The following CSNK2A2IP variants were observed in gnomAD, a reference collection of about 807,000 sequenced individuals.
CSNK2A2IP encodes casein kinase 2 subunit alpha' interacting protein.
At chr3:88,407,599 TGAG>T in the CSNK2A2IP span, among the ~76,000 whole-genome samples, 3 of 152,334 alleles carry the variant, frequency 2.0e-5, no homozygotes, top group East Asian at 5.8e-4. Context: ...CCATATAGGC[TGAG>T]AACACACATT....
chr3:88,451,929 A>C, the CSNK2A2IP span, among the ~76,000 whole-genome samples: 1 of 152,070 alleles, frequency 6.6e-6, no homozygotes, highest in East Asian at 1.9e-4. Flanking sequence ...CTTTACAATA[A>C]TTTTTTGAAT....
At chr3:88,466,479 A>G in the CSNK2A2IP span, 20 of 1,231,940 alleles carry the variant, frequency 1.6e-5, no homozygotes, top group Non-Finnish European at 1.6e-5. Flanking sequence ...AATTATTATC[A>G]AGCTCCAAAC....
At chr3:88,358,518 T>C in the CSNK2A2IP span, among the ~76,000 whole-genome samples, 1 of 131,754 alleles carries the variant, frequency 7.6e-6, no homozygotes, top group African/African-American at 2.5e-5. Context: ...ACTCTGTTTG[T>C]TGTGAGCTGT....
At chr3:88,467,585 T>C in the CSNK2A2IP span, 7 of 398,314 alleles carry the variant, frequency 1.8e-5, no homozygotes, top group Non-Finnish European at 2.7e-5. Flanking sequence ...AAATTAATCT[T>C]TAGTCTGTTT....
the CSNK2A2IP span, among the ~76,000 whole-genome samples, chr3:88,397,722 G>T: frequency 2.4e-4 from 37 of 151,426 alleles, no homozygotes; most frequent in Non-Finnish European, 3.2e-4. Flanking sequence ...TGCAAAATCA[G>T]CCTTTAAATT....
chr3:88,342,553 T>G, the CSNK2A2IP span, among the ~76,000 whole-genome samples: 2 of 151,986 alleles, frequency 1.3e-5, no homozygotes, highest in Non-Finnish European at 2.9e-5. Flanking sequence ...TCTGCCCGGT[T>G]GATGGATCAT....
the CSNK2A2IP span, among the ~76,000 whole-genome samples, chr3:88,349,359 C>G: frequency 6.6e-6 from 1 of 152,060 alleles, no homozygotes; most frequent in Non-Finnish European, 1.5e-5. Flanking sequence ...AAGCTTAGCT[C>G]CCACTTATAA....
chr3:88,370,168 G>C, the CSNK2A2IP span, among the ~76,000 whole-genome samples: 1 of 151,860 alleles, frequency 6.6e-6, no homozygotes, highest in African/African-American at 2.4e-5. Context: ...CTAAATAACA[G>C]ACAGGAGACA....
the CSNK2A2IP span, among the ~76,000 whole-genome samples, chr3:88,438,511 A>C: frequency 6.6e-6 from 1 of 152,120 alleles, no homozygotes; most frequent in Admixed American, 6.6e-5. Context: ...CCCTAAAAAA[A>C]TTTTCTGACC....
the CSNK2A2IP span, among the ~76,000 whole-genome samples, chr3:88,363,978 A>C: frequency 3.9e-5 from 6 of 152,000 alleles, no homozygotes; most frequent in Admixed American, 1.3e-4. Flanking sequence ...ACTTGGGGAG[A>C]TCCTTTGTGG....
chr3:88,358,317 C>A, the CSNK2A2IP span, among the ~76,000 whole-genome samples: 1 of 152,054 alleles, frequency 6.6e-6, no homozygotes, highest in Admixed American at 6.6e-5. Context: ...ATTTGGGTGC[C>A]CTTTATTTCT....
At chr3:88,448,952 G>A in the CSNK2A2IP span, among the ~76,000 whole-genome samples, 3 of 152,060 alleles carry the variant, frequency 2.0e-5, no homozygotes, top group Non-Finnish European at 4.4e-5. Context: ...CTCCTCCTTT[G>A]ACTGGTAGGT....
chr3:88,408,793 T>G, the CSNK2A2IP span, among the ~76,000 whole-genome samples: 9 of 152,004 alleles, frequency 5.9e-5, no homozygotes, highest in Admixed American at 3.9e-4. Flanking sequence ...TCTCAAGGAT[T>G]TGAGTACCTA....
At chr3:88,384,386 A>AC in the CSNK2A2IP span, among the ~76,000 whole-genome samples, 15 of 151,644 alleles carry the variant, frequency 9.9e-5, no homozygotes, top group Non-Finnish European at 1.8e-4. Context: ...AAACAAAAAA[A>AC]CAAAAAACAC....
At chr3:88,456,431 A>G in the CSNK2A2IP span, among the ~76,000 whole-genome samples, 1 of 151,834 alleles carries the variant, frequency 6.6e-6, no homozygotes, top group Non-Finnish European at 1.5e-5. Context: ...TTTTTTTTGT[A>G]AGTATTTTAT....
the CSNK2A2IP span, chr3:88,466,127 G>C: frequency 8.1e-7 from 1 of 1,231,502 alleles, no homozygotes; most frequent in Non-Finnish European, 1.0e-6. Flanking sequence ...GACTTATTTT[G>C]GACATCACCT....
chr3:88,387,759 T>C, the CSNK2A2IP span, among the ~76,000 whole-genome samples: 2 of 152,168 alleles, frequency 1.3e-5, no homozygotes, highest in African/African-American at 4.8e-5. Context: ...AGAATCTTGC[T>C]CTTTTGCCCA....
At chr3:88,412,516 A>G in the CSNK2A2IP span, among the ~76,000 whole-genome samples, 1 of 151,964 alleles carries the variant, frequency 6.6e-6, no homozygotes, top group African/African-American at 2.4e-5. Flanking sequence ...ATTGGGAGTG[A>G]TTTAAGTATG....
chr3:88,347,579 T>C, the CSNK2A2IP span, among the ~76,000 whole-genome samples: 1 of 152,050 alleles, frequency 6.6e-6, no homozygotes, highest in Non-Finnish European at 1.5e-5. Context: ...TAGATGAAAG[T>C]ATGTACACTT....
Sources: gnomAD v4.1 joint callset for allele counts (sites outside exome capture counted in the v4.1 genomes callset) on GRCh38, gnomAD v4.1.1 for gene constraint, MANE v1.5 for transcripts, NCBI Gene and HGNC (gene_info 2026-07-23, HGNC 2026-07-21) for gene names.